IWS1: variants seen among roughly 807,000 people sequenced by gnomAD.
The protein encoded by IWS1 is interacts with SUPT6H, CTD assembly factor 1.
Under a neutral mutation model 86.7 loss-of-function variants are expected in IWS1, and 27 were observed. The observed-to-expected ratio is 0.31, with a 90% CI of 0.23 to 0.43. IWS1 has a LOEUF of 0.43. Ranked by LOEUF, IWS1 falls within the 20% of genes least tolerant of loss-of-function variation. The pLI is 1.00. For missense variants in IWS1, 827 were observed against 1,000.8 expected (o/e 0.83, Z 2.34); for synonymous variants, 313 against 335.1 (o/e 0.93, Z 0.72).
In IWS1 at chr2:127,505,328, C is replaced by T; in HGVS notation, c.575G>A (p.Arg192Lys). 1 of 1,613,682 alleles carries T rather than the reference C, an allele frequency of 6.2e-7. No individual in the cohort carries two copies. The highest frequency in any genetic ancestry group is 8.5e-7 in the Non-Finnish European group (1 of 1,179,920). ...ATTTTCGGAGTCACTGGCTTGGTGC[C>T]TTGGGGGTTCCTCACTCTCAGAGTC... ...ISDSESEEPP[R>K]HQASDSENEE... Residue 192 changes from arginine to lysine, a missense_variant, in exon 3 of 14, where the codon AGG becomes AAG. By Grantham distance (26) the Arg-to-Lys change is conservative. Around this residue, in one of 2 missense-constraint regions of IWS1, gnomAD observed 548 missense variants for 560.2 expected, o/e 0.98. Coordinates refer to ENST00000295321, the MANE Select transcript of IWS1 (RefSeq NM_017969.3). This position sits in a 1 kb window ranked among gnomAD's most constrained non-coding sequence, Gnocchi z 5.0.
At chr2:127,488,689 T>A (rs973250742) in intron 12 of IWS1, among the ~76,000 whole-genome samples, 6 of 152,168 alleles carry the variant, frequency 3.9e-5, no homozygotes, top group Non-Finnish European at 8.8e-5. Flanking sequence ...TCCTGTGGAA[T>A]CACAAGACGT....
intron 6 of IWS1, among the ~76,000 whole-genome samples, chr2:127,497,589 G>A (rs1276373095): frequency 6.6e-6 from 1 of 152,174 alleles, no homozygotes; most frequent in Non-Finnish European, 1.5e-5. Flanking sequence ...ATTTCCAAAA[G>A]TACTGCCAAA....
Position 127,489,315 on chromosome 2 carries a change from T to G in IWS1, c.2160-80A>C. The G allele has an allele frequency of 1.0e-6, 1 of 983,820 alleles. No individual in the cohort carries two copies. The highest frequency in any genetic ancestry group is 1.6e-6 in the Non-Finnish European group (1 of 631,328). The allele number at this position is 983,820 out of a possible 1,614,324, so 60.9% of individuals were successfully genotyped here. A position where few individuals can be genotyped will look rare whatever the true frequency, so the allele number is the denominator to read the frequency against. ...AAAAAGAGCAAACTAAAAATCAAAC[T>G]TAGACCATAACTATTAATAGCTCTT... On this transcript the variant is annotated intron_variant, in intron 11 of 13. Coordinates refer to ENST00000295321, the MANE Select transcript of IWS1 (RefSeq NM_017969.3). The surrounding 1 kb of genome is among the most constrained non-coding windows in gnomAD (Gnocchi z 4.8).
At position 127,499,186 on chromosome 2, in the gene IWS1, G is replaced by A. The variant is rs1690674784; in HGVS notation, c.1468-949C>T. Reference sequence around the variant, plus strand: ...GCTCACTGCAAGCTCCACCTCCCGGGTTCATGCCATTCTCCTGCCTCAGCC... The same window carrying A: ...GCTCACTGCAAGCTCCACCTCCCGGATTCATGCCATTCTCCTGCCTCAGCC... On this transcript the variant is annotated intron_variant, in intron 5 of 13. Coordinates refer to ENST00000295321, the MANE Select transcript of IWS1 (RefSeq NM_017969.3). The surrounding 1 kb of genome is among the most constrained non-coding windows in gnomAD (Gnocchi z 4.0). Among the ~76,000 whole-genome samples, 1 of 151,766 alleles carries A rather than the reference G, an allele frequency of 6.6e-6. No homozygotes were observed. The highest frequency in any genetic ancestry group is 2.4e-5 in the African/African-American group (1 of 41,280).
rs940449505 is a variant in IWS1 at position 127,526,209 on chromosome 2, G to A, written c.-1C>T. The A allele has an allele frequency of 6.3e-6, 10 of 1,577,756 alleles. No homozygotes were observed. In the African/African-American group the frequency reaches 1.2e-4, roughly 19 times the overall value. The stretch of plus-strand genomic sequence containing the variant: ...CGCCGCTGTAATATTCCGAGTCCAT[G>A]GCAGGCGGACTCTCAGCGGGGAGTG... On this transcript the variant is annotated 5_prime_UTR_variant, in exon 1 of 14. Coordinates refer to ENST00000295321, the MANE Select transcript of IWS1 (RefSeq NM_017969.3).
chr2:127,497,724 G>C (rs1690587769), intron 6 of IWS1, among the ~76,000 whole-genome samples: 1 of 152,136 alleles, frequency 6.6e-6, no homozygotes, highest in Non-Finnish European at 1.5e-5. Flanking sequence ...TAAGATATCA[G>C]ATTTTTCTGA....
At chr2:127,503,985 T>C (rs993050954) in intron 3 of IWS1, among the ~76,000 whole-genome samples, 18 of 152,212 alleles carry the variant, frequency 1.2e-4, no homozygotes, top group Admixed American at 5.9e-4. Context: ...ATAGTCTCCA[T>C]GTTCCTCTAT....
intron 13 of IWS1, chr2:127,484,365 T>A (rs1421522821): frequency 6.6e-6 from 1 of 152,188 alleles, no homozygotes; most frequent in Non-Finnish European, 1.5e-5. Flanking sequence ...TTTATATTTA[T>A]TTACATAACT....
chr2:127,522,777 A>G (rs916186540), intron 2 of IWS1, among the ~76,000 whole-genome samples: 1 of 152,248 alleles, frequency 6.6e-6, no homozygotes, highest in Non-Finnish European at 1.5e-5. Flanking sequence ...AAATTTCCCA[A>G]TTTTATCTTG....
rs766356287 is a variant in IWS1, at chr2:127,496,037, G to A, written c.1677C>T (p.Val559=). 9.9e-6 allele frequency: 16 copies of A among 1,613,572 alleles called. No homozygotes were observed. Among genetic ancestry groups the A allele is most frequent in the East Asian group, 6.7e-5 (3 of 44,844 alleles). ...TCATCTTGACGATCATGGCACTCAC[G>A]ACGTCGTCTGCATCACTAATAAAGG... ...GGTFISDADD[V]VSAMIVKMNE... The change falls in exon 7 of 14, where the codon GTC becomes GTT. Residue 559 remains valine, a synonymous_variant. Coordinates refer to ENST00000295321, the MANE Select transcript of IWS1 (RefSeq NM_017969.3).
chr2:127,488,751 C>T (rs1690064012), intron 12 of IWS1, among the ~76,000 whole-genome samples: 1 of 152,168 alleles, frequency 6.6e-6, no homozygotes, highest in Admixed American at 6.5e-5. Context: ...TATTTCCAAC[C>T]TTATCTTCTA....
chr2:127,523,615 T>C (rs370575758), intron 2 of IWS1, 61 bp downstream of exon 2: 192 of 1,055,428 alleles, frequency 1.8e-4, no homozygotes, highest in Middle Eastern at 8.4e-4. Context: ...ACTCCTATAA[T>C]ATAACAGATC....
chr2:127,496,226 C>A (rs112521245), intron 6 of IWS1, 78 bp from the exon 7 acceptor site: 1 of 1,430,512 alleles, frequency 7.0e-7, no homozygotes, highest in African/African-American at 1.4e-5. Context: ...ATTAAGAACA[C>A]CAAATTTCTT....
At chr2:127,526,092 G>A (rs1692395328) in intron 1 of IWS1, 83 bp downstream of exon 1, 3 of 1,382,602 alleles carry the variant, frequency 2.2e-6, no homozygotes, top group African/African-American at 2.9e-5. Context: ...GGGCCTCCTT[G>A]CCCCCACCCG....
chr2:127,483,598 G>GGGGGGGGGGT (rs1689763605), intron 13 of IWS1, among the ~76,000 whole-genome samples: 1 of 21,822 alleles, frequency 4.6e-5, no homozygotes, highest in Non-Finnish European at 1.2e-4. Context: ...GGGTGGGGGG[G>GGGGGGGGGGT]TTGGGCTGTG....
At chr2:127,490,369 AC>A (rs1000994181) in intron 10 of IWS1, among the ~76,000 whole-genome samples, 1 of 152,232 alleles carries the variant, frequency 6.6e-6, no homozygotes, top group Non-Finnish European at 1.5e-5. Flanking sequence ...CAACTACCTT[AC>A]AAAATGGTCT....
At chr2:127,519,349 GAA>G (rs1286927326) in intron 2 of IWS1, among the ~76,000 whole-genome samples, 1 of 65,282 alleles carries the variant, frequency 1.5e-5, no homozygotes, top group Non-Finnish European at 2.7e-5. Context: ...ATTACTTTAA[GAA>G]AAAATAAGTT....
intron 1 of IWS1, among the ~76,000 whole-genome samples, chr2:127,525,451 T>C (rs1383918124): frequency 2.0e-5 from 3 of 152,222 alleles, no homozygotes; most frequent in African/African-American, 4.8e-5. Flanking sequence ...TTATTTATGG[T>C]GTATTTAAGA....
At chr2:127,483,571 C>CGGGGGGG (rs1419283644) in intron 13 of IWS1, among the ~76,000 whole-genome samples, 20 of 20,160 alleles carry the variant, frequency 9.9e-4, no homozygotes, top group Non-Finnish European at 1.0e-3. Flanking sequence ...ATAATTTGGT[C>CGGGGGGG]GGGGCGGGGG....
Sources: allele counts gnomAD v4.1 joint callset (sites outside exome capture counted in the v4.1 genomes callset), GRCh38; gene constraint gnomAD v4.1.1; regional missense constraint gnomAD v4.1.1; non-coding constraint Gnocchi (gnomAD v3.1); transcripts MANE v1.5; gene names NCBI Gene and HGNC (gene_info 2026-07-23, HGNC 2026-07-21).